The following UGT1A6 variants were observed in gnomAD, a reference collection of about 807,000 sequenced individuals.
The protein encoded by UGT1A6 is UDP-glucuronosyltransferase 1A6.
UGT1A6 carries 32 observed loss-of-function variants against 44.4 expected under a neutral mutation model. That is an observed-to-expected ratio of 0.72 (90% CI 0.54 to 0.97). The LOEUF (loss-of-function observed/expected upper bound fraction) is 0.97, where lower values mean the gene tolerates loss of function less well. Among genes scored for constraint, UGT1A6 ranks in the 50% least tolerant of loss-of-function variants. UGT1A6 has a pLI of 0.00. For missense variants in UGT1A6, 685 were observed against 661.9 expected (o/e 1.03, Z -0.38); for synonymous variants, 238 against 248.5 (o/e 0.96, Z 0.40).
At chr2:233,754,129 A>C (rs1290911546) in intron 1 of UGT1A6, among the ~76,000 whole-genome samples, 1 of 152,214 alleles carries the variant, frequency 6.6e-6, no homozygotes, top group African/African-American at 2.4e-5. Context: ...TTTATGTGCA[A>C]TTAAAAGCCA....
At chr2:233,730,116 T>C in intron 1 of UGT1A6, 1 of 1,558,872 alleles carries the variant, frequency 6.4e-7, no homozygotes, top group Non-Finnish European at 8.7e-7. Flanking sequence ...TGCTTCTCCT[T>C]GTCATAATAG....
intron 1 of UGT1A6, among the ~76,000 whole-genome samples, chr2:233,726,020 TC>T (rs2125716931): frequency 6.6e-6 from 1 of 152,170 alleles, no homozygotes; most frequent in Admixed American, 6.5e-5. Flanking sequence ...CAAAAAATTA[TC>T]CAGGTGTGAT....
At chr2:233,743,500 G>A (rs1692320466) in intron 1 of UGT1A6, 2 of 1,367,072 alleles carry the variant, frequency 1.5e-6, no homozygotes. Flanking sequence ...AGAGAAAAGG[G>A]GTGCAGACGC....
At chr2:233,713,005 T>C (rs1170643319) in intron 1 of UGT1A6, 6 of 1,613,446 alleles carry the variant, frequency 3.7e-6, no homozygotes, top group Non-Finnish European at 5.1e-6. Flanking sequence ...GCCACAGGAC[T>C]CCAGGTTCCC....
chr2:233,771,639 T>G (rs1180975336), intron 4 of UGT1A6: 1 of 152,344 alleles, frequency 6.6e-6, no homozygotes, highest in African/African-American at 2.4e-5. Flanking sequence ...TTTATTTTAC[T>G]GTATGAAAAT....
Position 233,727,746 on chromosome 2 carries a change from G to C in UGT1A6, c.861+33881G>C, listed in dbSNP as rs369193942. Among the ~76,000 whole-genome samples the C allele has an allele frequency of 3.3e-5, 5 of 152,290 alleles. No individual in the cohort carries two copies. The East Asian group carries it at 7.7e-4, about 24-fold the overall frequency. On this transcript the variant is annotated intron_variant, in intron 1 of 4. Coordinates refer to ENST00000305139, the MANE Select transcript of UGT1A6 (RefSeq NM_001072.4). Reference sequence around the variant, plus strand: ...CTTCCTTTTCTGTGCCATCCTGCGTGTGCTGCCCTTGAGCTGGGTGTCCCC... The same window carrying C: ...CTTCCTTTTCTGTGCCATCCTGCGTCTGCTGCCCTTGAGCTGGGTGTCCCC...
intron 1 of UGT1A6, chr2:233,747,296 G>A: frequency 6.2e-7 from 1 of 1,602,124 alleles, no homozygotes; most frequent in South Asian, 1.1e-5. Flanking sequence ...TGGGCTGAGA[G>A]TGGGAAGGTG....
intron 1 of UGT1A6, among the ~76,000 whole-genome samples, chr2:233,750,965 G>A (rs1482754384): frequency 1.3e-5 from 2 of 151,940 alleles, no homozygotes; most frequent in Admixed American, 6.5e-5. Context: ...CTGGGGCACT[G>A]CCTAGTGGAG....
At chr2:233,767,305 G>T (rs907806050) in intron 2 of UGT1A6, 140 bp downstream of exon 2, 20 of 1,519,058 alleles carry the variant, frequency 1.3e-5, no homozygotes, top group Non-Finnish European at 1.7e-5. Context: ...TAATCCAAAG[G>T]TTTTTTTTGT....
At chr2:233,740,532 G>A (rs1691412660) in intron 1 of UGT1A6, among the ~76,000 whole-genome samples, 1 of 151,892 alleles carries the variant, frequency 6.6e-6, no homozygotes. Context: ...AATCAGCTGT[G>A]TTGAACTCCA....
At chr2:233,717,517 C>T (rs1267847628) in intron 1 of UGT1A6, among the ~76,000 whole-genome samples, 2 of 152,244 alleles carry the variant, frequency 1.3e-5, no homozygotes, top group African/African-American at 2.4e-5. Flanking sequence ...ATGGGAGTAA[C>T]TTCCTCCATA....
chr2:233,713,717 G>A (rs1295748799), intron 1 of UGT1A6: 1 of 1,613,946 alleles, frequency 6.2e-7, no homozygotes, highest in East Asian at 2.2e-5. Flanking sequence ...TTCAGAGAGA[G>A]GTGTCAGTGG....
intron 1 of UGT1A6, chr2:233,750,722 T>C (rs1694546738): frequency 6.6e-6 from 1 of 151,960 alleles, no homozygotes; most frequent in South Asian, 2.1e-4. Context: ...AGGCCATTGC[T>C]TCAGAGGGTG....
intron 1 of UGT1A6, chr2:233,713,784 T>A: frequency 6.2e-7 from 1 of 1,614,078 alleles, no homozygotes; most frequent in Non-Finnish European, 8.5e-7. Context: ...TGTGATGGAT[T>A]ACCCCAGGCC....
chr2:233,717,022 C>A (rs889344581), intron 1 of UGT1A6, among the ~76,000 whole-genome samples: 1 of 152,198 alleles, frequency 6.6e-6, no homozygotes, highest in African/African-American at 2.4e-5. Context: ...AAGGCACCAC[C>A]ATCTTCCAAG....
chr2:233,768,039 G>A, intron 3 of UGT1A6, 103 bp downstream of exon 3: 1 of 1,610,920 alleles, frequency 6.2e-7, no homozygotes, highest in Non-Finnish European at 8.5e-7. Context: ...AAATATTATG[G>A]CCAACATATC....
intron 4 of UGT1A6, among the ~76,000 whole-genome samples, chr2:233,768,739 C>T (rs542073297): frequency 1.3e-5 from 2 of 151,854 alleles, no homozygotes; most frequent in African/African-American, 4.8e-5. Context: ...TCCACCACCA[C>T]GCCCGGTTAA....
rs944013638 is a variant in UGT1A6, at chr2:233,769,033, G to A, written c.1301+594G>A. 3.3e-5 allele frequency among the ~76,000 whole-genome samples: 5 copies of A among 152,006 alleles called. No individual in the cohort carries two copies. Among genetic ancestry groups the A allele is most frequent in the Admixed American group, 3.3e-4 (5 of 15,274 alleles). ...ATTTACATAAAAAGTTGCCATAATA[G>A]ACATCTGATCCATAAGTTTCCTGCA... On this transcript the variant is annotated intron_variant, in intron 4 of 4. Coordinates refer to ENST00000305139, the MANE Select transcript of UGT1A6 (RefSeq NM_001072.4). This position sits in a 1 kb window ranked among gnomAD's most constrained non-coding sequence, Gnocchi z 4.4.
intron 1 of UGT1A6, among the ~76,000 whole-genome samples, chr2:233,761,350 G>A (rs572501988): frequency 2.6e-5 from 4 of 152,266 alleles, no homozygotes; most frequent in South Asian, 2.1e-4. Context: ...CTGAGATTTC[G>A]GGAAAGCATT....
Sources: gnomAD v4.1 joint callset for allele counts (sites outside exome capture counted in the v4.1 genomes callset) on GRCh38, gnomAD v4.1.1 for gene constraint, Gnocchi (gnomAD v3.1) non-coding constraint, MANE v1.5 for transcripts, NCBI Gene and HGNC (gene_info 2026-07-23, HGNC 2026-07-21) for gene names.